The following FANCC variants were observed in gnomAD, a reference collection of about 807,000 sequenced individuals.
The protein encoded by FANCC is Fanconi anemia group C protein.
A neutral mutation model predicts 71.3 loss-of-function variants in FANCC; 55 were observed. That is an observed-to-expected ratio of 0.77 (90% CI 0.62 to 0.97). The LOEUF (loss-of-function observed/expected upper bound fraction) is 0.97. Ranked by LOEUF, FANCC falls within the 50% of genes least tolerant of loss-of-function variation. FANCC has a pLI of 0.00. For missense variants in FANCC, 678 were observed against 670.9 expected, an observed-to-expected ratio of 1.01 and a Z score of -0.12; for synonymous variants, 275 against 244.9, an observed-to-expected ratio of 1.12 and a Z score of -1.15.
intron 3 of FANCC, among the ~76,000 whole-genome samples, chr9:95,241,290 A>T (rs992860234): frequency 4.7e-4 from 72 of 152,244 alleles, no homozygotes; most frequent in African/African-American, 1.7e-3. Context: ...GTTTTAAAAT[A>T]TATTTCTAGT....
chr9:95,226,689 G>A (rs1250900826), intron 4 of FANCC, among the ~76,000 whole-genome samples: 1 of 152,158 alleles, frequency 6.6e-6, no homozygotes, highest in East Asian at 1.9e-4. Context: ...CAAACTGCCC[G>A]GGTTCCCAGA....
At chr9:95,263,557 G>C (rs989230465) in intron 1 of FANCC, among the ~76,000 whole-genome samples, 1 of 149,654 alleles carries the variant, frequency 6.7e-6, no homozygotes, top group Non-Finnish European at 1.5e-5. Flanking sequence ...TAGATAGATA[G>C]ATATTTACCA....
intron 7 of FANCC, among the ~76,000 whole-genome samples, chr9:95,135,870 T>C (rs1388474502): frequency 6.6e-6 from 1 of 152,208 alleles, no homozygotes; most frequent in Admixed American, 6.5e-5. Context: ...CGCGTAATCA[T>C]GCCTCACAAT....
rs540564233 is a variant in FANCC, at chr9:95,137,959, G to T, written c.687-2457C>A. 8.3e-4 allele frequency among the ~76,000 whole-genome samples: 126 copies of T among 152,404 alleles called. 1 individual carries two copies. The highest frequency in any genetic ancestry group is 6.8e-3 in the Middle Eastern group (2 of 294). ...CAGACAGGACTTCAGAGGACTGGCGGTAACGGGAGTGATCCCAGGCGGCGG... is the reference window on the plus strand; with the variant it reads ...CAGACAGGACTTCAGAGGACTGGCGTTAACGGGAGTGATCCCAGGCGGCGG... On this transcript the variant is annotated intron_variant, in intron 7 of 14. Coordinates refer to ENST00000289081, the MANE Select transcript of FANCC (RefSeq NM_000136.3).
At chr9:95,132,873 T>C (rs753607268) in intron 8 of FANCC, among the ~76,000 whole-genome samples, 53 of 152,344 alleles carry the variant, frequency 3.5e-4, no homozygotes, top group Non-Finnish European at 6.6e-4. Flanking sequence ...TTGGTAACTA[T>C]AGAATTTCCA....
chr9:95,301,874 C>T (rs1025408225), intron 1 of FANCC, among the ~76,000 whole-genome samples: 1 of 150,348 alleles, frequency 6.7e-6, no homozygotes, highest in African/African-American at 2.4e-5. Context: ...TCAGGAGATC[C>T]AGACCATCCT....
At chr9:95,230,229 T>A (rs1338858282) in intron 4 of FANCC, among the ~76,000 whole-genome samples, 1 of 152,162 alleles carries the variant, frequency 6.6e-6, no homozygotes, top group African/African-American at 2.4e-5. Flanking sequence ...GGAGCCAGGG[T>A]TCCGTGCGGT....
chr9:95,175,890 G>A lies in FANCC; in HGVS notation c.346-3743C>T, dbSNP rs1825984499. Among the ~76,000 whole-genome samples the A allele has an allele frequency of 2.6e-5, 4 of 152,316 alleles. No individual in the cohort carries two copies. In the South Asian group the frequency reaches 8.3e-4, roughly 32 times the overall value. Reference sequence around the variant, plus strand: ...TCCAAGTCAGACCCAGGCAGAGAAGGGAGGACTTGGTTTGGAAAGTAGGTG... The same window carrying A: ...TCCAAGTCAGACCCAGGCAGAGAAGAGAGGACTTGGTTTGGAAAGTAGGTG... On this transcript the variant is annotated intron_variant, in intron 4 of 14. Transcript: ENST00000289081.
intron 1 of FANCC, among the ~76,000 whole-genome samples, chr9:95,269,758 T>G (rs916160019): frequency 1.3e-5 from 2 of 152,142 alleles, no homozygotes; most frequent in African/African-American, 4.8e-5. Flanking sequence ...AGGGACACTC[T>G]GGGAACCATT....
chr9:95,233,389 CTAATCATCTTAT>C (rs1830126247), intron 4 of FANCC, among the ~76,000 whole-genome samples: 1 of 152,282 alleles, frequency 6.6e-6, no homozygotes, highest in African/African-American at 2.4e-5. Flanking sequence ...CTATTTTTCA[CTAATCATCTTAT>C]TTTCCCTTTT....
chr9:95,104,626 G>A (rs896445586), intron 14 of FANCC, among the ~76,000 whole-genome samples: 8 of 152,186 alleles, frequency 5.3e-5, no homozygotes, highest in Non-Finnish European at 5.9e-5. Flanking sequence ...AGTTTCCTCC[G>A]AGTAGATGGA....
At chr9:95,194,015 C>T (rs1827264884) in intron 4 of FANCC, among the ~76,000 whole-genome samples, 2 of 152,134 alleles carry the variant, frequency 1.3e-5, no homozygotes, top group African/African-American at 4.8e-5. Context: ...CACACCAGTA[C>T]CATTAGTGAC....
Position 95,149,936 on chromosome 9 carries a change from C to A in FANCC, c.673G>T (p.Glu225Ter), listed in dbSNP as rs374176091. 6 of 1,604,864 alleles carry A rather than the reference C, an allele frequency of 3.7e-6. No homozygotes were observed. The Admixed American group carries it at 1.0e-4, about 28-fold the overall frequency. ...TTTGCCACTTACAGCAAAATGGCCTCGTTTACAGCCTCAAAGAACTCTGGC... is the reference window on the plus strand; with the variant it reads ...TTTGCCACTTACAGCAAAATGGCCTAGTTTACAGCCTCAAAGAACTCTGGC... ...LQPEFFEAVN[E>*]AILLKKISLP... is the part of the protein sequence containing the mutation. Residue 225 changes from glutamate (E) to a stop codon, truncating the protein, a stop_gained, in exon 7 of 15, where the codon GAG becomes TAG. Coordinates refer to ENST00000289081, the MANE Select transcript of FANCC (RefSeq NM_000136.3). LOFTEE classifies it high-confidence loss of function.
chr9:95,134,896 T>TCTTAG (rs770069765), intron 8 of FANCC, among the ~76,000 whole-genome samples: 14 of 152,334 alleles, frequency 9.2e-5, no homozygotes, highest in Admixed American at 3.3e-4. Context: ...CTTACAGAAG[T>TCTTAG]CTTAGCTGGT....
At chr9:95,186,726 AT>A (rs1373267404) in intron 4 of FANCC, 2 of 152,044 alleles carry the variant, frequency 1.3e-5, no homozygotes, top group Non-Finnish European at 2.9e-5. Flanking sequence ...CAGCCCACTG[AT>A]ACCAGGTTAC....
intron 1 of FANCC, among the ~76,000 whole-genome samples, chr9:95,315,559 A>T (rs557074164): frequency 6.6e-6 from 1 of 152,326 alleles, no homozygotes; most frequent in African/African-American, 2.4e-5. Context: ...CCACTTCTGC[A>T]TTTTTATTAA....
chr9:95,158,417 G>A (rs1830562255), intron 6 of FANCC, among the ~76,000 whole-genome samples: 1 of 152,082 alleles, frequency 6.6e-6, no homozygotes, highest in Admixed American at 6.6e-5. Context: ...AAGGATATCT[G>A]CCACTTAAGA....
chr9:95,130,139 C>T (rs1274344499), intron 8 of FANCC, among the ~76,000 whole-genome samples: 3 of 152,128 alleles, frequency 2.0e-5, no homozygotes, highest in African/African-American at 4.8e-5. Flanking sequence ...CTCTTGTGCC[C>T]GGTCCTTGAT....
Position 95,101,765 on chromosome 9 carries a change from C to CGA in FANCC, c.1618_1619insTC (p.Ser540IlefsTer43). ...TCGGGCCAGTTTTTCTGATCTAGGG[C>CGA]TTTCAATGCCAAGACGATTCCATCT... is the stretch of plus-strand genomic sequence containing the variant. On this transcript the variant is annotated frameshift_variant, in exon 15 of 15. Transcript: ENST00000289081. LOFTEE classifies it low-confidence loss of function (END_TRUNC). The CGA allele has an allele frequency of 1.2e-6, 2 of 1,614,150 alleles. No individual in the cohort carries two copies. Among genetic ancestry groups the CGA allele is most frequent in the Non-Finnish European group, 1.7e-6 (2 of 1,180,030 alleles).
Sources: gnomAD v4.1 joint callset for allele counts (sites outside exome capture counted in the v4.1 genomes callset) on GRCh38, gnomAD v4.1.1 for gene constraint, MANE v1.5 for transcripts, NCBI Gene and HGNC (gene_info 2026-07-23, HGNC 2026-07-21) for gene names.